Variants in SORCS2 observed in about 807,000 individuals in gnomAD.
SORCS2 encodes sortilin related VPS10 domain containing receptor 2, also known as VPS10 domain-containing receptor SorCS2.
A neutral mutation model predicts 141.6 loss-of-function variants in SORCS2; 100 were observed. The ratio of observed to expected loss-of-function variants is 0.71; its 90% CI spans 0.60 to 0.83. The LOEUF (loss-of-function observed/expected upper bound fraction) is 0.83, where lower values mean the gene tolerates loss of function less well. Among genes scored for constraint, SORCS2 ranks in the 40% least tolerant of loss-of-function variants. The pLI is 0.00. For synonymous variants in SORCS2, 789 were observed against 676.9 expected (o/e 1.17, Z -2.57); for missense variants, 1,646 against 1,560.2 (o/e 1.05, Z -0.93).
intron 1 of SORCS2, among the ~76,000 whole-genome samples, chr4:7,304,899 C>G (rs1717680377): frequency 6.6e-6 from 1 of 152,252 alleles, no homozygotes; most frequent in South Asian, 2.1e-4. Flanking sequence ...GCTGGGTTGT[C>G]CTGGGGGCAA....
rs535517991 is a variant in SORCS2, at chr4:7,292,492, A to T, written c.480+99366A>T. ...TGTTCACAGTTAGTGTGCTCTGGGG[A>T]CCTGGGCTTGGCCTGGGCAGGGAGA... On this transcript the variant is annotated intron_variant, in intron 1 of 26. Coordinates refer to ENST00000507866, the MANE Select transcript of SORCS2 (RefSeq NM_020777.3). 2.6e-5 allele frequency among the ~76,000 whole-genome samples: 4 copies of T among 152,246 alleles called. No individual in the cohort carries two copies. The South Asian group carries it at 6.2e-4, about 24-fold the overall frequency.
intron 1 of SORCS2, among the ~76,000 whole-genome samples, chr4:7,363,292 C>T (rs1721705855): frequency 2.7e-5 from 4 of 146,706 alleles, no homozygotes; most frequent in Non-Finnish European, 5.9e-5. Flanking sequence ...ATCATCATTA[C>T]CACCACTACC....
At position 7,317,097 on chromosome 4, in the gene SORCS2, C is replaced by T. The variant is rs145712761; in HGVS notation, c.481-79191C>T. Among the ~76,000 whole-genome samples the T allele has an allele frequency of 3.9e-5, 6 of 152,270 alleles. No individual in the cohort carries two copies. In the East Asian group the frequency reaches 9.7e-4, roughly 25 times the overall value. On this transcript the variant is annotated intron_variant, in intron 1 of 26. Transcript: ENST00000507866. ...AATAAAGCTTCAAGGTCCCCAGTGTCCAGAAGCGTCAATGTGTGCAGATCA... is the reference window on the plus strand; with the variant it reads ...AATAAAGCTTCAAGGTCCCCAGTGTTCAGAAGCGTCAATGTGTGCAGATCA...
chr4:7,365,367 T>C (rs1721817842), intron 1 of SORCS2, among the ~76,000 whole-genome samples: 1 of 150,790 alleles, frequency 6.6e-6, no homozygotes, highest in Non-Finnish European at 1.5e-5. Flanking sequence ...GGGGAAGGGG[T>C]GTGTGGCGAG....
At chr4:7,239,960 C>T (rs191444544) in intron 1 of SORCS2, among the ~76,000 whole-genome samples, 33 of 152,302 alleles carry the variant, frequency 2.2e-4, no homozygotes, top group Non-Finnish European at 4.0e-4. Context: ...GCGAGCACAG[C>T]CCTGAGTGTC....
At chr4:7,248,945 T>A (rs1462788450) in intron 1 of SORCS2, among the ~76,000 whole-genome samples, 1 of 152,040 alleles carries the variant, frequency 6.6e-6, no homozygotes, top group East Asian at 1.9e-4. Context: ...GCCAGCAGGG[T>A]TTTAGCCAGA....
intron 4 of SORCS2, among the ~76,000 whole-genome samples, chr4:7,646,831 C>A (rs1209268560): frequency 1.3e-5 from 2 of 152,296 alleles, no homozygotes; most frequent in South Asian, 4.1e-4. Context: ...CGGAAGCCCA[C>A]GTCAGCTAAT....
At chr4:7,589,210 T>C (rs1716746130) in intron 3 of SORCS2, among the ~76,000 whole-genome samples, 2 of 152,192 alleles carry the variant, frequency 1.3e-5, no homozygotes, top group Non-Finnish European at 2.9e-5. Flanking sequence ...TAGGAGATCC[T>C]TGTGGCAACC....
chr4:7,249,894 C>T (rs1010959426), intron 1 of SORCS2, among the ~76,000 whole-genome samples: 1 of 152,182 alleles, frequency 6.6e-6, no homozygotes, highest in African/African-American at 2.4e-5. Context: ...GCAGGGCCCA[C>T]GGTGCGTGTG....
chr4:7,310,970 G>A (rs1718145682), intron 1 of SORCS2, among the ~76,000 whole-genome samples: 1 of 152,202 alleles, frequency 6.6e-6, no homozygotes, highest in Non-Finnish European at 1.5e-5. Flanking sequence ...GATTCAAAGT[G>A]CACGATGTGC....
chr4:7,549,167 C>G (rs992120589), intron 3 of SORCS2, among the ~76,000 whole-genome samples: 2 of 152,090 alleles, frequency 1.3e-5, no homozygotes, highest in Non-Finnish European at 2.9e-5. Context: ...GCCCAGCAAG[C>G]GATGCTGCTC....
At chr4:7,314,896 A>G (rs928885282) in intron 1 of SORCS2, among the ~76,000 whole-genome samples, 21 of 147,848 alleles carry the variant, frequency 1.4e-4, no homozygotes, top group South Asian at 1.1e-3. Flanking sequence ...CAGTGGTGCA[A>G]TCTTGACTCA....
At chr4:7,449,753 A>G (rs1327912689) in intron 2 of SORCS2, among the ~76,000 whole-genome samples, 1 of 152,050 alleles carries the variant, frequency 6.6e-6, no homozygotes, top group African/African-American at 2.4e-5. Context: ...GTCTCCAGCC[A>G]TCTTTGGCCT....
rs1020107505 is a variant in SORCS2, at chr4:7,566,967, G to T, written c.648+35338G>T. On this transcript the variant is annotated intron_variant, in intron 3 of 26. Coordinates refer to ENST00000507866, the MANE Select transcript of SORCS2 (RefSeq NM_020777.3). The stretch of plus-strand genomic sequence containing the variant: ...GTGGATGCTGGGAAATGCAGAGGGG[G>T]CACATGAGTATTGGGTGAGTGCTCT... Among the ~76,000 whole-genome samples, 3 of 152,246 alleles carry T rather than the reference G, an allele frequency of 2.0e-5. No homozygotes were observed. The South Asian group carries it at 6.2e-4, about 31-fold the overall frequency.
At chr4:7,330,169 T>C (rs1217251620) in intron 1 of SORCS2, among the ~76,000 whole-genome samples, 3 of 151,680 alleles carry the variant, frequency 2.0e-5, no homozygotes, top group African/African-American at 7.3e-5. Context: ...TCCCTCTTCC[T>C]CCTGCTCTAC....
At chr4:7,636,996 C>T (rs1720299761) in intron 3 of SORCS2, among the ~76,000 whole-genome samples, 1 of 152,128 alleles carries the variant, frequency 6.6e-6, no homozygotes, top group East Asian at 1.9e-4. Flanking sequence ...GATGTGTCCC[C>T]TGTCTCTGCC....
chr4:7,434,272 GT>G, intron 2 of SORCS2: 1 of 1,613,264 alleles, frequency 6.2e-7, no homozygotes, highest in Non-Finnish European at 8.5e-7. Flanking sequence ...GTCGGCCAAG[GT>G]CAAGTTGGAC....
At chr4:7,676,698 T>A (rs1420427056) in intron 9 of SORCS2, among the ~76,000 whole-genome samples, 1 of 150,528 alleles carries the variant, frequency 6.6e-6, no homozygotes, top group Admixed American at 6.6e-5. Flanking sequence ...TCTCCCTCTG[T>A]GTGTCTGAAA....
chr4:7,388,501 C>T (rs982144956), intron 1 of SORCS2, among the ~76,000 whole-genome samples: 1 of 152,104 alleles, frequency 6.6e-6, no homozygotes, highest in South Asian at 2.1e-4. Flanking sequence ...GTCATGACTA[C>T]TAAAGGGTCT....
Sources: gnomAD v4.1 joint callset for allele counts (sites outside exome capture counted in the v4.1 genomes callset) on GRCh38, gnomAD v4.1.1 for gene constraint, MANE v1.5 for transcripts, NCBI Gene and HGNC (gene_info 2026-07-23, HGNC 2026-07-21) for gene names.